Variants in TAF6 observed in about 807,000 individuals in gnomAD.
TAF6 encodes transcription initiation factor TFIID subunit 6.
TAF6 carries 50 observed loss-of-function variants against 73.5 expected under a neutral mutation model. The ratio of observed to expected loss-of-function variants is 0.68; its 90% CI spans 0.54 to 0.86. TAF6 has a LOEUF of 0.86. TAF6 is among the 40% of genes least tolerant of loss of function. The pLI is 0.00. For synonymous variants in TAF6, 424 were observed against 376.7 expected, an observed-to-expected ratio of 1.13 and a Z score of -1.45; for missense variants, 768 against 899.5, an observed-to-expected ratio of 0.85 and a Z score of 1.87.
chr7:100,118,146 G>C (rs1199978197), intron 1 of TAF6, among the ~76,000 whole-genome samples: 1 of 151,928 alleles, frequency 6.6e-6, no homozygotes, highest in East Asian at 1.9e-4. Context: ...GAGGTTAGGA[G>C]TTCGAGACCA....
chr7:100,119,634 C>T (rs1797961166), upstream of TAF6: 1 of 1,598,844 alleles, frequency 6.3e-7, no homozygotes, highest in Non-Finnish European at 8.5e-7. Context: ...ATGCGCCGAC[C>T]TTCCTCGGCT....
rs562369956 is a variant in TAF6 at position 100,108,100 on chromosome 7, C to T, written c.1482G>A (p.Ser494=). The change falls in exon 14 of 15, where the codon TCG becomes TCA. Residue 494 remains serine, a synonymous_variant. Coordinates refer to ENST00000453269, the MANE Select transcript of TAF6 (RefSeq NM_139315.3). ...TGCGAGGGCCAGGCTGTGGGGCCTG[C>T]GAGAGGGTCAGCGTGGGCCGGGGCT... The part of the protein sequence containing the change: ...ITQPRPTLTL[S]QAPQPGPRTP... 75 of 1,606,826 alleles carry T rather than the reference C, an allele frequency of 4.7e-5. No homozygotes were observed. The South Asian group carries it at 5.4e-4, about 12-fold the overall frequency.
Position 100,111,210 on chromosome 7 carries a change from C to T in TAF6, c.1012G>A (p.Ala338Thr). The T allele has an allele frequency of 6.2e-7, 1 of 1,614,168 alleles. No individual in the cohort carries two copies. ...GTGCTAAAATGCTTGCAGATCTGGG[C>T]CACCAGGCGGGCAGCAAAGTCTCGG... The part of the protein sequence containing the change: ...ALRDFAARLV[A>T]QICKHFSTTT... The change falls in exon 10 of 15, where the codon GCC (alanine) becomes ACC (threonine). Residue 338 changes from alanine to threonine, a missense_variant. Coordinates refer to ENST00000453269, the MANE Select transcript of TAF6 (RefSeq NM_139315.3).
intron 11 of TAF6, 48 bp from the exon 12 acceptor site, chr7:100,110,121 C>T (rs769831233): frequency 6.2e-7 from 1 of 1,613,948 alleles, no homozygotes; most frequent in South Asian, 1.1e-5. Flanking sequence ...TCACCAGGGT[C>T]TCCCAGATGG....
At chr7:100,125,888 A>G in the TAF6 span, among the ~76,000 whole-genome samples, 1 of 152,056 alleles carries the variant, frequency 6.6e-6, no homozygotes, top group Non-Finnish European at 1.5e-5. Context: ...TACCAAAAAT[A>G]CAAAAATTAG....
upstream of TAF6, among the ~76,000 whole-genome samples, chr7:100,123,878 C>T (rs1032050903): frequency 1.3e-5 from 2 of 152,140 alleles, no homozygotes; most frequent in African/African-American, 2.4e-5. Context: ...CGTATGTAAT[C>T]CCAGCACTTT....
intron 12 of TAF6, 109 bp downstream of exon 12, chr7:100,109,837 CCT>C: frequency 4.0e-6 from 6 of 1,496,542 alleles, no homozygotes; most frequent in Non-Finnish European, 5.4e-6. Flanking sequence ...TCTGCAATGT[CCT>C]CTGAAAACAT....
rs1237456625 is a variant in TAF6 at position 100,107,636 on chromosome 7, G to A, written c.1657-13C>T. On this transcript the variant is annotated splice_polypyrimidine_tract_variant and intron_variant, in intron 14 of 14. Transcript: ENST00000453269. ...TGAGGGACAGGACCTGGATAGAAAGGAAAGGCAGGCCGCTTGCCCTGTGCC... is the reference window on the plus strand; with the variant it reads ...TGAGGGACAGGACCTGGATAGAAAGAAAAGGCAGGCCGCTTGCCCTGTGCC... 2 of 1,609,158 alleles carry A rather than the reference G, an allele frequency of 1.2e-6. No homozygotes were observed. The highest frequency in any genetic ancestry group is 1.7e-5 in the Admixed American group (1 of 58,872).
chr7:100,110,789 CAAG>C (rs1228668939), intron 10 of TAF6, among the ~76,000 whole-genome samples: 1 of 151,658 alleles, frequency 6.6e-6, no homozygotes, highest in South Asian at 2.1e-4. Flanking sequence ...CCAGCCTGGG[CAAG>C]AAGAGCGAAA....
chr7:100,108,459 C>A lies in TAF6; in HGVS notation c.1366G>T (p.Gly456Trp). The change falls in exon 13 of 15, where the codon GGG (glycine) becomes TGG (tryptophan). Residue 456 changes from glycine to tryptophan, a missense_variant. Physicochemically the swap from Gly to Trp is radical, Grantham distance 184. Transcript: ENST00000453269. ...DAYRAEFGSL[G>W]PLLCSQVVKA... is the part of the protein sequence containing the mutation. ...ACCACCTGGGAGCAGAGGAGGGGCC[C>A]AAGGGACCCGAATTCTGCCCGATAG... 1 of 1,614,000 alleles carries A rather than the reference C, an allele frequency of 6.2e-7. No homozygotes were observed. Among genetic ancestry groups the A allele is most frequent in the Non-Finnish European group, 8.5e-7 (1 of 1,179,928 alleles).
upstream of TAF6, chr7:100,122,049 GAAA>G (rs111511573): frequency 8.5e-4 from 266 of 313,532 alleles, no homozygotes; most frequent in East Asian, 1.8e-3. Context: ...GAGTCCGTCT[GAAA>G]AAAAAAAAAA....
At chr7:100,122,212 G>T, upstream of TAF6, 2 of 1,609,942 alleles carry the variant, frequency 1.2e-6, no homozygotes, top group Non-Finnish European at 1.7e-6. Context: ...TGAATGGCTG[G>T]TGTGTTTGTC....
chr7:100,118,999 A>G, intron 1 of TAF6: 1 of 985,472 alleles, frequency 1.0e-6, no homozygotes, highest in Non-Finnish European at 1.2e-6. Flanking sequence ...AACACGCTAC[A>G]GTCACAGGAT....
chr7:100,126,083 G>A, the TAF6 span, among the ~76,000 whole-genome samples: 7 of 152,342 alleles, frequency 4.6e-5, 1 homozygote, highest in South Asian at 4.1e-4. Flanking sequence ...CTACTCGGGA[G>A]GCTGAGGCAG....
At chr7:100,108,618 T>C in intron 12 of TAF6, 78 bp from the exon 13 acceptor site, 2 of 1,482,586 alleles carry the variant, frequency 1.3e-6, no homozygotes, top group Non-Finnish European at 1.8e-6. Context: ...GTGACACTCT[T>C]GAGAAGAACC....
At chr7:100,124,758 T>C, upstream of TAF6, 1 of 1,613,290 alleles carries the variant, frequency 6.2e-7, no homozygotes, top group Non-Finnish European at 8.5e-7. Context: ...GGAAAGGAGA[T>C]CACAGATGGG....
At chr7:100,108,167 G>T (rs375467655) in intron 13 of TAF6, 44 bp from the exon 14 acceptor site, 19 of 1,550,684 alleles carry the variant, frequency 1.2e-5, no homozygotes, top group Non-Finnish European at 1.6e-5. Flanking sequence ...CATCTACTAA[G>T]AAGAGGAGTC....
Position 100,113,736 on chromosome 7 carries a change from G to C in TAF6, c.277C>G (p.Pro93Ala). The C allele has an allele frequency of 6.2e-7, 1 of 1,614,064 alleles. No individual in the cohort carries two copies. Among genetic ancestry groups the C allele is most frequent in the Middle Eastern group, 1.6e-4 (1 of 6,062 alleles). ...CCCCCACCAGAGGCGAAGCGGAAAG[G>C]AATGAACTCCTGGGCGTGGAAGCCA... ...LYGFHAQEFI[P>A]FRFASGGGRE... Residue 93 changes from proline (P) to alanine (A), a missense_variant, in exon 4 of 15, where the codon CCT becomes GCT. Physicochemically the swap from Pro to Ala is conservative, Grantham distance 27 (BLOSUM62 -1). Coordinates refer to ENST00000453269, the MANE Select transcript of TAF6 (RefSeq NM_139315.3).
intron 14 of TAF6, 126 bp from the exon 15 acceptor site, chr7:100,107,749 A>G (rs2116698498): frequency 6.9e-7 from 1 of 1,441,112 alleles, no homozygotes; most frequent in Non-Finnish European, 9.3e-7. Flanking sequence ...GTAGACAGCT[A>G]TGGCTGGAGA....
Sources: allele counts gnomAD v4.1 joint callset (sites outside exome capture counted in the v4.1 genomes callset), GRCh38; gene constraint gnomAD v4.1.1; transcripts MANE v1.5; gene names NCBI Gene and HGNC (gene_info 2026-07-23, HGNC 2026-07-21).